GALT: variants seen among roughly 807,000 people sequenced by gnomAD.
The protein encoded by GALT is galactose-1-phosphate uridylyltransferase.
A neutral mutation model predicts 55.4 loss-of-function variants in GALT; 42 were observed. The observed-to-expected ratio is 0.76, with a 90% confidence interval of 0.59 to 0.98. The LOEUF (loss-of-function observed/expected upper bound fraction) is 0.98. Ranked by LOEUF, GALT falls within the 50% of genes least tolerant of loss-of-function variation. The pLI, the probability that GALT is intolerant of heterozygous loss-of-function variation, is 0.00. For missense variants in GALT, 407 were observed against 495.7 expected (o/e 0.82, Z 1.70); for synonymous variants, 154 against 181.5 (o/e 0.85, Z 1.22).
intron 1 of GALT, 116 bp downstream of exon 1, chr9:34,646,902 C>G: frequency 6.2e-7 from 1 of 1,607,566 alleles, no homozygotes; most frequent in Non-Finnish European, 8.5e-7. Flanking sequence ...ACCGACAAGG[C>G]GTACAGTCTG....
chr9:34,648,737 C>T lies in GALT; in HGVS notation c.688-25C>T. ...TCCGGCTCCTATGTCACCTTGATGACTTCCTATCCATTCTGTCTTCCTAGG... is the reference window on the plus strand; with the variant it reads ...TCCGGCTCCTATGTCACCTTGATGATTTCCTATCCATTCTGTCTTCCTAGG... On this transcript the variant is annotated intron_variant, in intron 7 of 10. Coordinates refer to ENST00000378842, the MANE Select transcript of GALT (RefSeq NM_000155.4). The surrounding 1 kb of genome is among the most constrained non-coding windows in gnomAD (Gnocchi z 4.9). The T allele has an allele frequency of 1.2e-6, 2 of 1,612,234 alleles. No homozygotes were observed. The highest frequency in any genetic ancestry group is 1.7e-6 in the Non-Finnish European group (2 of 1,179,928).
At position 34,649,421 on chromosome 9, in the gene GALT, G is replaced by A. The variant is rs780234692; in HGVS notation, c.916G>A (p.Gly306Arg). Residue 306 changes from glycine (G) to arginine (R), a missense_variant, in exon 10 of 11, where the codon GGA becomes AGA. Coordinates refer to ENST00000378842, the MANE Select transcript of GALT (RefSeq NM_000155.4). ...CTTCTTTCTGTCAGGGGCTCCCACA[G>A]GATCAGAGGCTGGGGCCAACTGGAA... is the stretch of plus-strand genomic sequence containing the variant. ...YSMGWHGAPT[G>R]SEAGANWNHW... The A allele has an allele frequency of 2.7e-5, 44 of 1,614,048 alleles. No individual in the cohort carries two copies. Among genetic ancestry groups the A allele is most frequent in the Non-Finnish European group, 3.6e-5 (43 of 1,180,034 alleles).
In GALT at chr9:34,650,449, A is replaced by T; in HGVS notation, c.1140A>T (p.Ter380CysextTer49). The change falls in exon 11 of 11, where the codon TGA becomes TGT. Residue 380 changes from the stop codon to cysteine, a stop_lost. Coordinates refer to ENST00000378842, the MANE Select transcript of GALT (RefSeq NM_000155.4). ...QKDRETATIA[*>C] is the part of the protein sequence containing the mutation. Reference sequence around the variant, plus strand: ...ACAGGGAGACAGCAACCATCGCCTGACCACGCCGACCACAGGGCCTTGAAT... The same window carrying T: ...ACAGGGAGACAGCAACCATCGCCTGTCCACGCCGACCACAGGGCCTTGAAT... The T allele has an allele frequency of 6.2e-7, 1 of 1,613,874 alleles. No homozygotes were observed. Among genetic ancestry groups the T allele is most frequent in the Non-Finnish European group, 8.5e-7 (1 of 1,179,836 alleles).
chr9:34,650,117 A>C, intron 10 of GALT: 1 of 466,604 alleles, frequency 2.1e-6, no homozygotes, highest in South Asian at 2.5e-5. Context: ...TCGTCTCTAC[A>C]AAAAAAATTT....
chr9:34,647,909 A>G lies in GALT; in HGVS notation c.455A>G (p.Asp152Gly). 1.2e-6 allele frequency: 2 copies of G among 1,614,096 alleles called. No homozygotes were observed. The highest frequency in any genetic ancestry group is 1.7e-6 in the Non-Finnish European group (2 of 1,180,020). ...MSVPEIRAVV[D>G]AWASVTEELG... ...GTCCCTGAGATCCGGGCTGTTGTTG[A>G]TGCATGGGCCTCAGTCACAGAGGAG... Residue 152 changes from aspartate to glycine, a missense_variant, in exon 5 of 11, where the codon GAT becomes GGT. By Grantham distance (94) the Asp-to-Gly change is moderately conservative. Transcript: ENST00000378842. The surrounding 1 kb of genome is among the most constrained non-coding windows in gnomAD (Gnocchi z 5.6).
In GALT at chr9:34,650,454, G is replaced by A. The variant is rs367645021; in HGVS notation, c.*5G>A. 12 of 1,613,476 alleles carry A rather than the reference G, an allele frequency of 7.4e-6. No individual in the cohort carries two copies. The highest frequency in any genetic ancestry group is 6.7e-5 in the Admixed American group (4 of 59,986). On this transcript the variant is annotated 3_prime_UTR_variant, in exon 11 of 11. Transcript: ENST00000378842. ...GAGACAGCAACCATCGCCTGACCAC[G>A]CCGACCACAGGGCCTTGAATCCTTT...
At chr9:34,650,029 C>A in intron 10 of GALT, 1 of 352,266 alleles carries the variant, frequency 2.8e-6, no homozygotes, top group Non-Finnish European at 5.3e-6. Flanking sequence ...GCCTTAATCC[C>A]AGCACTTTGG....
chr9:34,647,964 T>A lies in GALT; in HGVS notation c.507+3T>A. 1.2e-6 allele frequency: 2 copies of A among 1,614,094 alleles called. No homozygotes were observed. Among genetic ancestry groups the A allele is most frequent in the Non-Finnish European group, 1.7e-6 (2 of 1,180,012 alleles). On this transcript the variant is annotated splice_donor_region_variant and intron_variant, in intron 5 of 10. Coordinates refer to ENST00000378842, the MANE Select transcript of GALT (RefSeq NM_000155.4). This position sits in a 1 kb window ranked among gnomAD's most constrained non-coding sequence, Gnocchi z 5.6. ...GTGCCCAGTACCCTTGGGTGCAGGT[T>A]TGTGAGGTCGCCCCTTCCCCTGGAT...
In GALT at chr9:34,646,676, G is replaced by T; in HGVS notation, c.-29G>T. ...GTGAAAGGTGAGGCACGGCCCTGCAGATTTTCCAGCGGATCCCCCGGTGGC... is the reference window on the plus strand; with the variant it reads ...GTGAAAGGTGAGGCACGGCCCTGCATATTTTCCAGCGGATCCCCCGGTGGC... On this transcript the variant is annotated 5_prime_UTR_variant, in exon 1 of 11. Coordinates refer to ENST00000378842, the MANE Select transcript of GALT (RefSeq NM_000155.4). 1 of 1,613,436 alleles carries T rather than the reference G, an allele frequency of 6.2e-7. No homozygotes were observed. The highest frequency in any genetic ancestry group is 1.7e-5 in the Admixed American group (1 of 60,028).
At position 34,647,383 on chromosome 9, in the gene GALT, C is replaced by T. The variant is rs750212896; in HGVS notation, c.253-109C>T. 5.1e-6 allele frequency: 8 copies of T among 1,575,912 alleles called. No homozygotes were observed. The highest frequency in any genetic ancestry group is 7.0e-6 in the Non-Finnish European group (8 of 1,145,788). On this transcript the variant is annotated intron_variant, in intron 2 of 10. Coordinates refer to ENST00000378842, the MANE Select transcript of GALT (RefSeq NM_000155.4). The surrounding 1 kb of genome is among the most constrained non-coding windows in gnomAD (Gnocchi z 5.6). ...TCATATCCCACCAAGCTTTTTGGTC[C>T]CCTAGGGTGGGCCTTCCCTACTCCC...
chr9:34,646,932 G>C, intron 1 of GALT, 146 bp downstream of exon 1: 1 of 1,605,868 alleles, frequency 6.2e-7, no homozygotes, highest in Non-Finnish European at 8.5e-7. Context: ...ACGAGCAGCA[G>C]GCCAATTGGC....
At position 34,647,223 on chromosome 9, in the gene GALT, CCT is replaced by C. The variant is rs111033662; in HGVS notation, c.220_221del (p.Leu74ValfsTer17). On this transcript the variant is annotated frameshift_variant, in exon 2 of 11. Transcript: ENST00000378842. LOFTEE classifies it high-confidence loss of function. The surrounding 1 kb of genome is among the most constrained non-coding windows in gnomAD (Gnocchi z 5.6). ...KTVPRHDPLN[P>X]LCPGAIRANG... ...AGTGCCCCGCCATGACCCTCTCAAC[CCT>C]CTGTGTCCTGGGGCCATCCGAGCCA... 6.2e-7 allele frequency: 1 copy of C among 1,614,166 alleles called. No homozygotes were observed. Among genetic ancestry groups the C allele is most frequent in the Non-Finnish European group, 8.5e-7 (1 of 1,180,018 alleles).
Position 34,647,659 on chromosome 9 carries a change from C to A in GALT, c.331C>A (p.Pro111Thr). The change falls in exon 4 of 11, where the codon CCC (proline) becomes ACC (threonine). Residue 111 changes from proline to threonine, a missense_variant and splice_region_variant. By Grantham distance (38) the Pro-to-Thr change is conservative (BLOSUM62 -1). Coordinates refer to ENST00000378842, the MANE Select transcript of GALT (RefSeq NM_000155.4). This position sits in a 1 kb window ranked among gnomAD's most constrained non-coding sequence, Gnocchi z 5.6. ...AGAGTGATACTCCTTTACCTCAGGA[C>A]CCAGTGATCATCCCCTTTTCCAAGC... ...ALQPDAPSPG[P>T]SDHPLFQAKS... 6.2e-7 allele frequency: 1 copy of A among 1,614,152 alleles called. No homozygotes were observed. Among genetic ancestry groups the A allele is most frequent in the Non-Finnish European group, 8.5e-7 (1 of 1,180,028 alleles).
rs1295274153 is a variant in GALT, at chr9:34,648,502, C to T, written c.687+46C>T. 6.2e-7 allele frequency: 1 copy of T among 1,613,858 alleles called. No homozygotes were observed. Among genetic ancestry groups the T allele is most frequent in the South Asian group, 1.1e-5 (1 of 91,070 alleles). On this transcript the variant is annotated intron_variant, in intron 7 of 10. Transcript: ENST00000378842. The surrounding 1 kb of genome is among the most constrained non-coding windows in gnomAD (Gnocchi z 4.9). ...GTGTCCCCAAGGAGTCCCTAACTTT[C>T]TTATCCCATGAGAGAGGTGTGTAAA...
Position 34,647,834 on chromosome 9 carries a change from A to G in GALT, c.380A>G (p.Lys127Arg). Residue 127 changes from lysine (K) to arginine (R), a missense_variant and splice_region_variant, in exon 5 of 11, where the codon AAG becomes AGG. Lys to Arg is a conservative substitution (Grantham distance 26). Transcript: ENST00000378842. The surrounding 1 kb of genome is among the most constrained non-coding windows in gnomAD (Gnocchi z 5.6). Reference sequence around the variant, plus strand: ...TCTTTTCTCCCGTCACCACCCAGTAAGGTCATGTGCTTCCACCCCTGGTCG... The same window carrying G: ...TCTTTTCTCCCGTCACCACCCAGTAGGGTCATGTGCTTCCACCCCTGGTCG... Reference protein sequence around the residue: ...FQAKSARGVCKVMCFHPWSDV... With the variant: ...FQAKSARGVCRVMCFHPWSDV... 1 of 1,614,160 alleles carries G rather than the reference A, an allele frequency of 6.2e-7. No homozygotes were observed. Among genetic ancestry groups the G allele is most frequent in the Non-Finnish European group, 8.5e-7 (1 of 1,180,030 alleles).
chr9:34,650,768 C>A lies in GALT; in HGVS notation c.*319C>A, dbSNP rs1466648990. On this transcript the variant is annotated 3_prime_UTR_variant, in exon 11 of 11. Transcript: ENST00000378842. The stretch of plus-strand genomic sequence containing the variant: ...TATCTAGCCTATAGATTCTCTTACT[C>A]TTGGTGTAATGACAGCATTCCCAGT... The A allele has an allele frequency of 1.0e-5, 3 of 295,718 alleles. No homozygotes were observed. Among genetic ancestry groups the A allele is most frequent in the Non-Finnish European group, 1.9e-5 (3 of 155,472 alleles). 18.3% of individuals were successfully genotyped at this position (295,718 alleles called of 1,614,324 possible). A position where few individuals can be genotyped will look rare whatever the true frequency, so the allele number is the denominator to read the frequency against.
In GALT at chr9:34,648,330, A is replaced by G; in HGVS notation, c.565-4A>G. 1 of 1,614,146 alleles carries G rather than the reference A, an allele frequency of 6.2e-7. No individual in the cohort carries two copies. The highest frequency in any genetic ancestry group is 8.5e-7 in the Non-Finnish European group (1 of 1,180,026). ...TGTTCTTCTCTGCTTTTGCCCCTTG[A>G]CAGGTATGGGCCAGCAGTTTCCTGC... On this transcript the variant is annotated splice_polypyrimidine_tract_variant and splice_region_variant and intron_variant, in intron 6 of 10. Transcript: ENST00000378842. The surrounding 1 kb of genome is among the most constrained non-coding windows in gnomAD (Gnocchi z 4.9).
intron 10 of GALT, chr9:34,650,004 G>T (rs533025015): frequency 1.2e-4 from 39 of 312,944 alleles, no homozygotes; most frequent in Admixed American, 4.1e-4. Context: ...CCATCGGCCG[G>T]GTGTGGTGGC....
At position 34,648,852 on chromosome 9, in the gene GALT, C is replaced by G; in HGVS notation, c.778C>G (p.His260Asp). 6.2e-7 allele frequency: 1 copy of G among 1,613,362 alleles called. No individual in the cohort carries two copies. The highest frequency in any genetic ancestry group is 8.5e-7 in the Non-Finnish European group (1 of 1,180,028). Residue 260 changes from histidine (H) to aspartate (D), a missense_variant, in exon 8 of 11, where the codon CAT becomes GAT. Physicochemically the swap from His to Asp is moderately conservative, Grantham distance 81 (BLOSUM62 -1). Transcript: ENST00000378842. This position sits in a 1 kb window ranked among gnomAD's most constrained non-coding sequence, Gnocchi z 4.9. Reference sequence around the variant, plus strand: ...CCAGACACTGCTGCTGCCCCGTCGGCATGTGCGGCGGCTACCTGAGCTGAC... The same window carrying G: ...CCAGACACTGCTGCTGCCCCGTCGGGATGTGCGGCGGCTACCTGAGCTGAC... ...PYQTLLLPRRHVRRLPELTPA... is the reference protein window; with the variant it reads ...PYQTLLLPRRDVRRLPELTPA...
Sources: gnomAD v4.1 joint callset for allele counts on GRCh38, gnomAD v4.1.1 for gene constraint, Gnocchi (gnomAD v3.1) non-coding constraint, MANE v1.5 for transcripts, NCBI Gene and HGNC (gene_info 2026-07-23, HGNC 2026-07-21) for gene names.